The following C11orf65 variants were observed in gnomAD, a reference collection of about 807,000 sequenced individuals.
C11orf65 encodes the protein protein MFI.
C11orf65 carries 38 observed loss-of-function variants against 35.3 expected under a neutral mutation model. That is an observed-to-expected ratio of 1.08 (90% CI 0.83 to 1.41). The LOEUF is 1.41. C11orf65 is among the 40% of genes most tolerant of loss of function. The pLI is 0.00. For missense variants in C11orf65, 370 were observed against 367.1 expected (o/e 1.01, Z -0.06); for synonymous variants, 105 against 114.4 (o/e 0.92, Z 0.53).
intron 2 of C11orf65, among the ~76,000 whole-genome samples, chr11:108,447,156 G>A (rs1224206082): frequency 2.0e-5 from 3 of 151,402 alleles, no homozygotes; most frequent in African/African-American, 4.9e-5. Flanking sequence ...ACCTACAAAG[G>A]GACTTAGACT....
intron 8 of C11orf65, among the ~76,000 whole-genome samples, chr11:108,384,945 C>T (rs570379622): frequency 6.6e-6 from 1 of 152,280 alleles, no homozygotes; most frequent in South Asian, 2.1e-4. Flanking sequence ...CTTCAACATG[C>T]TGGCTTTTAC....
chr11:108,466,409 A>G (rs984294539), intron 1 of C11orf65, among the ~76,000 whole-genome samples: 1 of 152,106 alleles, frequency 6.6e-6, no homozygotes, highest in Admixed American at 6.5e-5. Context: ...CCCTGTCTCT[A>G]GTAAAAATAC....
In C11orf65 at chr11:108,420,904, C is replaced by T. The variant is rs150110632; in HGVS notation, c.174+10842G>A. Among the ~76,000 whole-genome samples the T allele has an allele frequency of 8.7e-4, 132 of 152,192 alleles. No individual in the cohort carries two copies. The East Asian group carries it at 0.015, about 18-fold the overall frequency. ...TGCTGGGATTACAGGTGTGAGCTAC[C>T]GCACCCGGCCAAAATTCCAATAGAC... is the stretch of plus-strand genomic sequence containing the variant. On this transcript the variant is annotated intron_variant, in intron 3 of 8. Transcript: ENST00000393084.
intron 2 of C11orf65, among the ~76,000 whole-genome samples, chr11:108,449,328 G>C (rs2135612853): frequency 6.6e-6 from 1 of 152,032 alleles, no homozygotes; most frequent in Middle Eastern, 3.4e-3. Flanking sequence ...ACATAGCCAA[G>C]TGAATCCTAA....
chr11:108,435,585 G>C (rs1404427336), intron 2 of C11orf65, among the ~76,000 whole-genome samples: 1 of 151,998 alleles, frequency 6.6e-6, no homozygotes, highest in Non-Finnish European at 1.5e-5. Flanking sequence ...CCTGAGCAAG[G>C]AACCACAACC....
chr11:108,386,209 G>C (rs2091997054), intron 7 of C11orf65, among the ~76,000 whole-genome samples: 2 of 152,190 alleles, frequency 1.3e-5, no homozygotes, highest in Non-Finnish European at 2.9e-5. Context: ...GCCATACTTA[G>C]TGTCCTTTCA....
chr11:108,432,994 A>T (rs1176116087), intron 2 of C11orf65, among the ~76,000 whole-genome samples: 1 of 152,078 alleles, frequency 6.6e-6, no homozygotes, highest in Admixed American at 6.6e-5. Flanking sequence ...TTGGACTCAT[A>T]CATGTGGCCT....
rs777271497 is a variant in C11orf65, at chr11:108,464,060, G to A, written c.-9-2492C>T. On this transcript the variant is annotated intron_variant, in intron 1 of 8. Transcript: ENST00000393084. Reference sequence around the variant, plus strand: ...TCATGTCTCAGCCTCCTGAGTAGCTGGGATTACAGGTGTGTGCCACCACGC... The same window carrying A: ...TCATGTCTCAGCCTCCTGAGTAGCTAGGATTACAGGTGTGTGCCACCACGC... Among the ~76,000 whole-genome samples, 4 of 151,124 alleles carry A rather than the reference G, an allele frequency of 2.6e-5. No individual in the cohort carries two copies. The South Asian group carries it at 8.3e-4, about 31-fold the overall frequency.
At position 108,345,733 on chromosome 11, in the gene C11orf65, C is replaced by T. The variant is rs2137022388; in HGVS notation, c.227-10441G>A. On this transcript the variant is annotated intron_variant, in intron 2 of 3. Coordinates refer to the C11orf65 transcript ENST00000524755. The stretch of plus-strand genomic sequence containing the variant: ...ATTGAAAAATAATTATATATATTCT[C>T]TATTTAAAGGAGGTGCAAAAAAAGT... 6.4e-7 allele frequency: 1 copy of T among 1,567,486 alleles called. No homozygotes were observed. Among genetic ancestry groups the T allele is most frequent in the Non-Finnish European group, 8.7e-7 (1 of 1,146,072 alleles).
intron 7 of C11orf65, among the ~76,000 whole-genome samples, chr11:108,387,795 T>C (rs1241051481): frequency 1.3e-5 from 2 of 152,242 alleles, no homozygotes; most frequent in African/African-American, 4.8e-5. Context: ...CCCAAAGTGC[T>C]GGGATTATAG....
In C11orf65 at chr11:108,375,216, A is replaced by C. The variant is rs553688577; in HGVS notation, c.226+17992T>G. On this transcript the variant is annotated intron_variant, in intron 2 of 3. Transcript: ENST00000524755. ...TCACCAAAGTTGAAATGAAGGAAAAAATGTTAAGGGCAGCCAGAGAGAAAG... is the reference window on the plus strand; with the variant it reads ...TCACCAAAGTTGAAATGAAGGAAAACATGTTAAGGGCAGCCAGAGAGAAAG... 6.1e-3 allele frequency among the ~76,000 whole-genome samples: 929 copies of C among 152,014 alleles called. 6 individuals carry two copies. Among genetic ancestry groups the C allele is most frequent in the East Asian group, 0.011 (56 of 5,178 alleles).
chr11:108,396,925 A>C (rs2092325431), intron 6 of C11orf65, among the ~76,000 whole-genome samples: 1 of 151,768 alleles, frequency 6.6e-6, no homozygotes, highest in African/African-American at 2.4e-5. Context: ...TTGATAAAAT[A>C]ACAGGTTTGC....
intron 6 of C11orf65, 112 bp downstream of exon 6, chr11:108,405,317 C>T (rs959801416): frequency 3.8e-5 from 41 of 1,084,048 alleles, no homozygotes; most frequent in South Asian, 2.9e-4. Flanking sequence ...TCAGGGTCTG[C>T]GGGCAGACCC....
intron 2 of C11orf65, among the ~76,000 whole-genome samples, chr11:108,441,161 C>G (rs967252340): frequency 1.3e-5 from 2 of 152,272 alleles, no homozygotes; most frequent in African/African-American, 4.8e-5. Context: ...AAACAGCACA[C>G]CAGGAGATTA....
downstream of C11orf65, chr11:108,327,441 A>G (rs2085783826): frequency 5.9e-6 from 3 of 512,388 alleles, no homozygotes; most frequent in South Asian, 4.1e-5. Context: ...AATAATGGCA[A>G]TAATAATAAT....
intron 2 of C11orf65, chr11:108,353,638 T>TTCTAGTAGTAGAAGTAAACTACTA: frequency 2.7e-6 from 2 of 751,550 alleles, no homozygotes; most frequent in South Asian, 2.9e-5. Flanking sequence ...AGTAAACTAC[T>TTCTAGTAGTAGAAGTAAACTACTA]GTACATACTA....
chr11:108,407,064 T>C, intron 4 of C11orf65, 32 bp downstream of exon 4: 1 of 1,592,882 alleles, frequency 6.3e-7, no homozygotes, highest in Non-Finnish European at 8.6e-7. Context: ...ATGTGCTTTA[T>C]AACTACTAAA....
intron 2 of C11orf65, among the ~76,000 whole-genome samples, chr11:108,352,347 AG>A (rs1204035264): frequency 6.6e-6 from 1 of 152,272 alleles, no homozygotes; most frequent in Non-Finnish European, 1.5e-5. Context: ...AAGGAGAACC[AG>A]ATGGAAATTT....
chr11:108,440,987 G>A (rs921158259), intron 2 of C11orf65, among the ~76,000 whole-genome samples: 5 of 152,132 alleles, frequency 3.3e-5, no homozygotes, highest in African/African-American at 9.7e-5. Flanking sequence ...GACAGTGGGT[G>A]CAGCCCAAGG....
Sources: gnomAD v4.1 joint callset for allele counts (sites outside exome capture counted in the v4.1 genomes callset) on GRCh38, gnomAD v4.1.1 for gene constraint, MANE v1.5 for transcripts, NCBI Gene and HGNC (gene_info 2026-07-23, HGNC 2026-07-21) for gene names.